The following DOCK11 variants were observed in gnomAD, a reference collection of about 807,000 sequenced individuals.
DOCK11 encodes dedicator of cytokinesis 11.
DOCK11 carries 70 observed loss-of-function variants against 169.1 expected under a neutral mutation model. That is an observed-to-expected ratio of 0.41 (90% CI 0.34 to 0.51). The LOEUF (loss-of-function observed/expected upper bound fraction) is 0.51, where lower values mean the gene tolerates loss of function less well. Ranked by LOEUF, DOCK11 falls within the 20% of genes least tolerant of loss-of-function variation. The pLI, the probability that DOCK11 is intolerant of heterozygous loss-of-function variation, is 0.10. For synonymous variants in DOCK11, 529 were observed against 541.3 expected (o/e 0.98, Z 0.32); for missense variants, 1,166 against 1,538.8 (o/e 0.76, Z 4.05).
intron 36 of DOCK11, among the ~76,000 whole-genome samples, chrX:118,636,828 T>TACACACACACAC (rs765702693): frequency 3.0e-4 from 30 of 100,570 alleles, no homozygotes; most frequent in African/African-American, 8.8e-4. Flanking sequence ...TATTTGTGTG[T>TACACACACACAC]ACACACACAC....
At chrX:118,514,779 A>G (rs1474426009) in intron 1 of DOCK11, among the ~76,000 whole-genome samples, 3 of 112,333 alleles carry the variant, frequency 2.7e-5, no homozygotes, top group Non-Finnish European at 3.8e-5. Flanking sequence ...AGGGAATCCT[A>G]TCTGTCCTTC....
chrX:118,567,815 A>G (rs755908787), intron 9 of DOCK11, among the ~76,000 whole-genome samples: 1 of 111,767 alleles, frequency 8.9e-6, no homozygotes, highest in African/African-American at 3.2e-5. Flanking sequence ...TCCATTAGGT[A>G]TTTCCCAAAG....
chrX:118,661,166 G>A (rs1214798083), intron 44 of DOCK11, among the ~76,000 whole-genome samples: 2 of 105,433 alleles, frequency 1.9e-5, no homozygotes, highest in Non-Finnish European at 3.9e-5. Flanking sequence ...CTATGATCAC[G>A]CTACTGCACT....
At chrX:118,565,113 A>AT (rs1210589677) in intron 7 of DOCK11, among the ~76,000 whole-genome samples, 6 of 104,783 alleles carry the variant, frequency 5.7e-5, no homozygotes, top group African/African-American at 1.4e-4. Context: ...TTTTTTTTGT[A>AT]TTTTTTTTGT....
rs756793668 is a variant in DOCK11 at position 118,495,926 on chromosome X, C to T, written c.-46C>T. The T allele has an allele frequency of 3.9e-5, 36 of 925,882 alleles. No individual in the cohort carries two copies. The South Asian group carries it at 9.4e-4, about 24-fold the overall frequency. The allele number at this position is 925,882 out of a possible 1,213,427, so 76.3% of individuals were successfully genotyped here. On this transcript the variant is annotated 5_prime_UTR_variant, in exon 1 of 53. Transcript: ENST00000276202. ...GGGCCGGGGCAGTGAGTCCACCCGCCCGCCGAGGTCCGCCCGCCCGCCGAG... is the reference window on the plus strand; with the variant it reads ...GGGCCGGGGCAGTGAGTCCACCCGCTCGCCGAGGTCCGCCCGCCCGCCGAG...
Position 118,542,063 on chromosome X carries a change from A to G in DOCK11, c.103-662A>G. Among the ~76,000 whole-genome samples the G allele has an allele frequency of 2.7e-5, 3 of 112,174 alleles. No individual in the cohort carries two copies. In the South Asian group the frequency reaches 1.1e-3, roughly 42 times the overall value. On this transcript the variant is annotated intron_variant, in intron 1 of 52. Coordinates refer to ENST00000276202, the MANE Select transcript of DOCK11 (RefSeq NM_144658.4). ...GCCCAGAGAGTAGTACAGATGCAGT[A>G]AATACCAACAGGCACACTTCCAAGT...
intron 41 of DOCK11, among the ~76,000 whole-genome samples, chrX:118,649,827 T>C (rs1025539082): frequency 9.0e-5 from 10 of 111,637 alleles, no homozygotes; most frequent in Non-Finnish European, 7.5e-5. Context: ...TAGTTTAAAT[T>C]TGAGGACTGC....
chrX:118,671,776 T>G (rs1428035707), intron 46 of DOCK11, among the ~76,000 whole-genome samples: 1 of 111,163 alleles, frequency 9.0e-6, no homozygotes, highest in East Asian at 2.8e-4. Flanking sequence ...GTCTCCCGAG[T>G]TCAAGCAGTT....
intron 45 of DOCK11, among the ~76,000 whole-genome samples, chrX:118,669,971 G>A (rs2016427997): frequency 1.8e-5 from 2 of 111,172 alleles, no homozygotes; most frequent in African/African-American, 6.6e-5. Flanking sequence ...CAGTCATATT[G>A]GATTGGGGCC....
chrX:118,635,306 G>T (rs972321104), intron 35 of DOCK11, among the ~76,000 whole-genome samples: 1 of 111,842 alleles, frequency 8.9e-6, no homozygotes, highest in Non-Finnish European at 1.9e-5. Flanking sequence ...AGTTAGAGGA[G>T]GGTCTGCTGA....
chrX:118,573,856 T>C lies in DOCK11; in HGVS notation c.1227T>C (p.Cys409=), dbSNP rs779943811. The C allele has an allele frequency of 1.7e-6, 2 of 1,209,415 alleles. No homozygotes were observed. The change falls in exon 12 of 53, where the codon TGT becomes TGC. Residue 409 remains cysteine (C), a synonymous_variant. Coordinates refer to ENST00000276202, the MANE Select transcript of DOCK11 (RefSeq NM_144658.4). ...NLALFDVKNN[C]KISADFHVDL... ...CCTTATTTGATGTAAAGAACAATTG[T>C]AAGATTTCAGCAGACTTTCATGTAG... is the stretch of plus-strand genomic sequence containing the variant.
chrX:118,661,966 G>A (rs1249482311), intron 44 of DOCK11, among the ~76,000 whole-genome samples: 2 of 112,026 alleles, frequency 1.8e-5, no homozygotes, highest in African/African-American at 6.5e-5. Context: ...ATAATTCATT[G>A]AGTACTTATT....
intron 6 of DOCK11, among the ~76,000 whole-genome samples, chrX:118,558,017 C>T (rs2012774306): frequency 9.8e-6 from 1 of 102,251 alleles, no homozygotes; most frequent in Non-Finnish European, 2.0e-5. Context: ...CTGTCTCGCC[C>T]AGGCTGGAGT....
chrX:118,524,671 C>T (rs2011333437), intron 1 of DOCK11, among the ~76,000 whole-genome samples: 2 of 111,243 alleles, frequency 1.8e-5, no homozygotes, highest in Non-Finnish European at 3.8e-5. Context: ...CAAATGAAAA[C>T]CACAACGAGA....
At chrX:118,515,234 A>AT (rs2057674997) in intron 1 of DOCK11, among the ~76,000 whole-genome samples, 1 of 111,486 alleles carries the variant, frequency 9.0e-6, no homozygotes, top group South Asian at 3.8e-4. Context: ...AATTTATTTC[A>AT]TTTTGTTTTG....
chrX:118,578,435 A>G, intron 12 of DOCK11, 90 bp from the exon 13 acceptor site: 1 of 1,005,985 alleles, frequency 9.9e-7, no homozygotes, highest in Non-Finnish European at 1.4e-6. Context: ...TTTGTTGAAT[A>G]TGAACATTGT....
At chrX:118,674,338 G>C (rs2016559380) in intron 46 of DOCK11, among the ~76,000 whole-genome samples, 1 of 111,193 alleles carries the variant, frequency 9.0e-6, no homozygotes, top group South Asian at 3.8e-4. Context: ...TAGAGATGGG[G>C]TTTCACCATG....
At chrX:118,645,716 T>A (rs1269399457) in intron 40 of DOCK11, among the ~76,000 whole-genome samples, 1 of 108,485 alleles carries the variant, frequency 9.2e-6, no homozygotes, top group Non-Finnish European at 1.9e-5. Flanking sequence ...AACAGTGTAC[T>A]GAGACAGTAA....
At chrX:118,616,284 A>G in intron 30 of DOCK11, 1 of 868,181 alleles carries the variant, frequency 1.2e-6, no homozygotes, top group Non-Finnish European at 1.5e-6. Context: ...GCTGTTTTAG[A>G]AAACAATTGA....
Sources: gnomAD v4.1 joint callset for allele counts (sites outside exome capture counted in the v4.1 genomes callset) on GRCh38, gnomAD v4.1.1 for gene constraint, MANE v1.5 for transcripts, NCBI Gene and HGNC (gene_info 2026-07-23, HGNC 2026-07-21) for gene names.